SORCS1: variants seen among roughly 807,000 people sequenced by gnomAD.
SORCS1 encodes the protein VPS10 domain-containing receptor SorCS1.
In SORCS1, 60 loss-of-function variants were observed where a neutral mutation model predicts 146.1. That is an observed-to-expected ratio of 0.41 (90% CI 0.33 to 0.51). The LOEUF (loss-of-function observed/expected upper bound fraction) is 0.51. Ranked by LOEUF, SORCS1 falls within the 20% of genes least tolerant of loss-of-function variation. The pLI, the probability that SORCS1 is intolerant of heterozygous loss-of-function variation, is 0.21. For missense variants in SORCS1, 1,352 were observed against 1,487.6 expected (o/e 0.91, Z 1.50); for synonymous variants, 637 against 584.0 (o/e 1.09, Z -1.31).
intron 2 of SORCS1, among the ~76,000 whole-genome samples, chr10:106,919,101 T>C (rs760245468): frequency 6.6e-6 from 1 of 152,174 alleles, no homozygotes; most frequent in Non-Finnish European, 1.5e-5. Context: ...CCTCCCATAG[T>C]GATGGAATTA....
chr10:106,598,226 C>T (rs760581553), intron 23 of SORCS1, among the ~76,000 whole-genome samples: 8 of 142,268 alleles, frequency 5.6e-5, no homozygotes, highest in Non-Finnish European at 9.0e-5. Context: ...GGGATAACAA[C>T]ACTCCTATTA....
At chr10:106,833,071 T>C (rs1011014034) in intron 2 of SORCS1, among the ~76,000 whole-genome samples, 7 of 136,636 alleles carry the variant, frequency 5.1e-5, no homozygotes, top group Non-Finnish European at 1.0e-4. Context: ...AAGATGACAA[T>C]AGAGTGACTT....
chr10:106,698,787 G>C (rs1220587163), intron 9 of SORCS1, among the ~76,000 whole-genome samples: 2 of 152,158 alleles, frequency 1.3e-5, no homozygotes, highest in Non-Finnish European at 2.9e-5. Flanking sequence ...AGTCCAAATG[G>C]AGTGTCTTCT....
At chr10:106,846,146 G>A (rs1949308808) in intron 2 of SORCS1, among the ~76,000 whole-genome samples, 1 of 27,946 alleles carries the variant, frequency 3.6e-5, no homozygotes, top group African/African-American at 9.9e-5. Context: ...TGATGGGGAT[G>A]GCATTGAATC....
chr10:107,162,691 G>C (rs1026141360), intron 1 of SORCS1, among the ~76,000 whole-genome samples: 2 of 152,202 alleles, frequency 1.3e-5, no homozygotes, highest in East Asian at 3.8e-4. Flanking sequence ...CATGATGACA[G>C]ATTAGTATTT....
intron 19 of SORCS1, among the ~76,000 whole-genome samples, chr10:106,628,078 C>A (rs187793288): frequency 2.7e-4 from 41 of 152,296 alleles, no homozygotes; most frequent in African/African-American, 9.9e-4. Context: ...CAAAAATAGG[C>A]AGATTGAGTT....
intron 2 of SORCS1, among the ~76,000 whole-genome samples, chr10:106,889,841 C>A (rs1003344623): frequency 2.9e-5 from 4 of 140,136 alleles, no homozygotes. Context: ...GCCGAGATCG[C>A]GCCACTGTAC....
In SORCS1 at chr10:106,576,260, C is replaced by T. The variant is rs1485353791; in HGVS notation, c.*1160G>A. 2 of 152,726 alleles carry T rather than the reference C, an allele frequency of 1.3e-5. No individual in the cohort carries two copies. Among genetic ancestry groups the T allele is most frequent in the African/African-American group, 4.8e-5 (2 of 41,454 alleles). The allele number at this position is 152,726 out of a possible 1,614,324, so 9.5% of individuals were successfully genotyped here. Reference sequence around the variant, plus strand: ...GGGAATGTACAAAACTGACAAAGGGCTCAGAAACTTGTGAGTAGTGGGGGC... The same window carrying T: ...GGGAATGTACAAAACTGACAAAGGGTTCAGAAACTTGTGAGTAGTGGGGGC... On this transcript the variant is annotated 3_prime_UTR_variant, in exon 26 of 26. Coordinates refer to ENST00000263054, the MANE Select transcript of SORCS1 (RefSeq NM_052918.5).
intron 1 of SORCS1, among the ~76,000 whole-genome samples, chr10:107,046,366 G>C (rs72811202): frequency 0.011 from 1,626 of 152,130 alleles, 15 homozygotes; most frequent in South Asian, 0.029. Flanking sequence ...GCGACTGTAT[G>C]TGGCCACATT....
At chr10:106,978,162 C>G (rs1015733149) in intron 1 of SORCS1, among the ~76,000 whole-genome samples, 2 of 152,120 alleles carry the variant, frequency 1.3e-5, no homozygotes, top group East Asian at 3.9e-4. Context: ...CCAGGCTAGT[C>G]GCGAACCCCT....
upstream of SORCS1, among the ~76,000 whole-genome samples, chr10:107,165,652 A>C (rs762893144): frequency 6.6e-6 from 1 of 152,186 alleles, no homozygotes; most frequent in Non-Finnish European, 1.5e-5. This position sits in a 1 kb window ranked among gnomAD's most constrained non-coding sequence, Gnocchi z 4.0. Flanking sequence ...TCTAATGCAT[A>C]TCTGCATAAC....
chr10:106,619,913 C>A (rs1430528753), intron 20 of SORCS1, among the ~76,000 whole-genome samples: 2 of 152,098 alleles, frequency 1.3e-5, no homozygotes, highest in Non-Finnish European at 2.9e-5. Flanking sequence ...GGTAAGAAGG[C>A]CATTGGGGGT....
At chr10:106,877,646 C>A (rs964438818) in intron 2 of SORCS1, among the ~76,000 whole-genome samples, 1 of 152,046 alleles carries the variant, frequency 6.6e-6, no homozygotes, top group Admixed American at 6.5e-5. Context: ...TTGTGGGATT[C>A]GAATTCTAGA....
At chr10:106,600,216 T>A (rs2133336918) in intron 23 of SORCS1, 1 of 557,600 alleles carries the variant, frequency 1.8e-6, no homozygotes, top group Non-Finnish European at 2.3e-6. Flanking sequence ...GAGACCCTTG[T>A]GAAAATAATT....
intron 2 of SORCS1, among the ~76,000 whole-genome samples, chr10:106,856,091 A>G (rs1311849144): frequency 6.6e-6 from 1 of 151,278 alleles, no homozygotes; most frequent in Non-Finnish European, 1.5e-5. Flanking sequence ...CCGTGGTGCA[A>G]TCTCAGCTCA....
intron 6 of SORCS1, among the ~76,000 whole-genome samples, chr10:106,710,582 C>T (rs1854909414): frequency 6.6e-6 from 1 of 152,086 alleles, no homozygotes; most frequent in Admixed American, 6.5e-5. Context: ...TCAGTTTGGT[C>T]GCTATTGCTG....
chr10:106,951,497 G>A (rs1274962615), intron 2 of SORCS1, among the ~76,000 whole-genome samples: 2 of 136,120 alleles, frequency 1.5e-5, no homozygotes, highest in Admixed American at 7.9e-5. Flanking sequence ...GGGTGACAGA[G>A]CAAGACTCCG....
At chr10:106,732,854 C>T (rs1038413472) in intron 5 of SORCS1, among the ~76,000 whole-genome samples, 2 of 152,144 alleles carry the variant, frequency 1.3e-5, no homozygotes, top group African/African-American at 4.8e-5. Context: ...GGTGCAGTGG[C>T]TCACGCCTGT....
chr10:107,013,105 C>G (rs1217204533), intron 1 of SORCS1, among the ~76,000 whole-genome samples: 1 of 152,266 alleles, frequency 6.6e-6, no homozygotes, highest in South Asian at 2.1e-4. Flanking sequence ...ACCTGGTACA[C>G]AGTTGGTAGC....
Sources: gnomAD v4.1 joint callset for allele counts (sites outside exome capture counted in the v4.1 genomes callset) on GRCh38, gnomAD v4.1.1 for gene constraint, Gnocchi (gnomAD v3.1) non-coding constraint, MANE v1.5 for transcripts, NCBI Gene and HGNC (gene_info 2026-07-23, HGNC 2026-07-21) for gene names.